TMX3: variants seen among roughly 807,000 people sequenced by gnomAD.
TMX3 encodes the protein thioredoxin related transmembrane protein 3.
In TMX3, 40 loss-of-function variants were observed where a neutral mutation model predicts 64.4. The observed-to-expected ratio is 0.62, with a 90% CI of 0.48 to 0.81. The LOEUF (loss-of-function observed/expected upper bound fraction) is 0.81, where lower values mean the gene tolerates loss of function less well. TMX3 is among the 30% of genes least tolerant of loss of function. TMX3 has a pLI of 0.00. For missense variants in TMX3, 497 were observed against 534.5 expected (o/e 0.93, Z 0.69); for synonymous variants, 189 against 175.7 (o/e 1.08, Z -0.60).
intron 8 of TMX3, among the ~76,000 whole-genome samples, chr18:68,694,056 C>A (rs1216613439): frequency 2.6e-5 from 4 of 152,164 alleles, no homozygotes; most frequent in Admixed American, 2.0e-4. Context: ...CTCCTCTCCA[C>A]CTTGCTCATC....
At chr18:68,695,414 C>T (rs1310534377) in intron 8 of TMX3, among the ~76,000 whole-genome samples, 1 of 152,178 alleles carries the variant, frequency 6.6e-6, no homozygotes, top group Non-Finnish European at 1.5e-5. Flanking sequence ...CTTGACTTAA[C>T]TCTAGACCCC....
chr18:68,709,040 T>C (rs992643820), intron 4 of TMX3, among the ~76,000 whole-genome samples: 1 of 152,148 alleles, frequency 6.6e-6, no homozygotes, highest in African/African-American at 2.4e-5. Context: ...TTCCACTTTC[T>C]TCACTAATGA....
At position 68,715,034 on chromosome 18, in the gene TMX3, C is replaced by T; in HGVS notation, c.-53G>A. On this transcript the variant is annotated 5_prime_UTR_variant, in exon 1 of 16. The change creates a new upstream start codon in the 5' untranslated region. Coordinates refer to ENST00000299608, the MANE Select transcript of TMX3 (RefSeq NM_019022.5). ...ACTGTGCAAAAGAGGGATAAAGACACTGGGGTCCGCCGCCTGCCCGCCCGG... is the reference window on the plus strand; with the variant it reads ...ACTGTGCAAAAGAGGGATAAAGACATTGGGGTCCGCCGCCTGCCCGCCCGG... 1.9e-6 allele frequency: 3 copies of T among 1,550,322 alleles called. No homozygotes were observed. Among genetic ancestry groups the T allele is most frequent in the Non-Finnish European group, 2.6e-6 (3 of 1,146,972 alleles).
intron 13 of TMX3, 125 bp from the exon 14 acceptor site, chr18:68,681,235 G>A (rs1913402675): frequency 2.3e-6 from 2 of 877,432 alleles, no homozygotes; most frequent in South Asian, 7.7e-5. Context: ...ATATTTTATG[G>A]TAGAAAATGA....
intron 11 of TMX3, 75 bp downstream of exon 11, chr18:68,684,353 C>A: frequency 2.0e-6 from 3 of 1,506,648 alleles, no homozygotes; most frequent in Admixed American, 1.7e-5. Flanking sequence ...AAGTAAGATA[C>A]CATATCAAGT....
rs189862936 is a variant in TMX3 at position 68,682,703 on chromosome 18, A to T, written c.905+222T>A. Among the ~76,000 whole-genome samples, 644 of 145,066 alleles carry T rather than the reference A, an allele frequency of 4.4e-3. 3 individuals carry two copies. The highest frequency in any genetic ancestry group is 0.014 in the Middle Eastern group (4 of 290). On this transcript the variant is annotated intron_variant, in intron 13 of 15. Coordinates refer to ENST00000299608, the MANE Select transcript of TMX3 (RefSeq NM_019022.5). Reference sequence around the variant, plus strand: ...GAATACTAGAAAACATTAAATCAGGAGATAATTTTTTTTTTTTTTTACTAT... The same window carrying T: ...GAATACTAGAAAACATTAAATCAGGTGATAATTTTTTTTTTTTTTTACTAT...
intron 15 of TMX3, 51 bp from the exon 16 acceptor site, chr18:68,677,244 A>G: frequency 6.5e-7 from 1 of 1,546,068 alleles, no homozygotes. Flanking sequence ...ATTCTGATAT[A>G]TATAGCATGA....
intron 7 of TMX3, chr18:68,697,661 A>G (rs1915225962): frequency 2.5e-6 from 1 of 400,432 alleles, no homozygotes; most frequent in South Asian, 5.9e-5. Flanking sequence ...AATTTGAAAA[A>G]GCAACACAAG....
intron 13 of TMX3, 148 bp downstream of exon 13, chr18:68,682,777 A>G (rs1409137625): frequency 2.2e-5 from 12 of 555,540 alleles, no homozygotes; most frequent in Admixed American, 1.1e-4. Flanking sequence ...TTGGAAAACT[A>G]AAGTAAAATA....
rs1912916046 is a variant in TMX3, at chr18:68,676,246, C to T, written c.*687G>A. ...TAGTATTCCAAGGAATGGGCTGAAA[C>T]CTCTACTCAGTAAATCCTGTTTATT... is the stretch of plus-strand genomic sequence containing the variant. On this transcript the variant is annotated 3_prime_UTR_variant, in exon 16 of 16. Coordinates refer to ENST00000299608, the MANE Select transcript of TMX3 (RefSeq NM_019022.5). 1 of 152,112 alleles carries T rather than the reference C, an allele frequency of 6.6e-6. No homozygotes were observed. The highest frequency in any genetic ancestry group is 2.4e-5 in the African/African-American group (1 of 41,394). 9.4% of individuals were successfully genotyped at this position (152,112 alleles called of 1,614,324 possible).
chr18:68,694,733 G>A (rs1914890052), intron 8 of TMX3, among the ~76,000 whole-genome samples: 1 of 152,166 alleles, frequency 6.6e-6, no homozygotes, highest in South Asian at 2.1e-4. Context: ...AAAATACTTG[G>A]CAAACCAAAA....
intron 4 of TMX3, among the ~76,000 whole-genome samples, chr18:68,705,496 T>C (rs530971261): frequency 2.0e-5 from 3 of 152,212 alleles, no homozygotes; most frequent in African/African-American, 7.2e-5. Flanking sequence ...CCAAATGTCA[T>C]TCCAAATTTA....
In TMX3 at chr18:68,700,486, CT is replaced by C. The variant is rs999284404; in HGVS notation, c.312-2del. The C allele has an allele frequency of 6.5e-5, 96 of 1,482,516 alleles. No homozygotes were observed. Among genetic ancestry groups the C allele is most frequent in the South Asian group, 1.9e-4 (14 of 72,998 alleles). The allele number at this position is 1,482,516 out of a possible 1,614,324, so 91.8% of individuals were successfully genotyped here. A position where few individuals can be genotyped will look rare whatever the true frequency, so the allele number is the denominator to read the frequency against. ...ATTATATGCCAAGTCCCCTTTTAAT[CT>C]TTAAAAAAAAAAAAAAATTAAAACC... On this transcript the variant is annotated splice_acceptor_variant, in intron 5 of 15. Transcript: ENST00000299608. LOFTEE classifies it high-confidence loss of function.
intron 8 of TMX3, among the ~76,000 whole-genome samples, chr18:68,693,406 C>A (rs952236116): frequency 1.6e-4 from 24 of 152,112 alleles, no homozygotes; most frequent in Non-Finnish European, 3.2e-4. Context: ...TCCCTGAGCT[C>A]TCCGGGGCCT....
chr18:68,682,306 T>C (rs537786291), intron 13 of TMX3, among the ~76,000 whole-genome samples: 3 of 152,330 alleles, frequency 2.0e-5, no homozygotes, highest in African/African-American at 7.2e-5. Flanking sequence ...GTACAGGGTT[T>C]GGTAAATGTT....
rs76728077 is a variant in TMX3, at chr18:68,676,809, T to C, written c.*124A>G. On this transcript the variant is annotated 3_prime_UTR_variant, in exon 16 of 16. Coordinates refer to ENST00000299608, the MANE Select transcript of TMX3 (RefSeq NM_019022.5). ...GGAGGGACTACTTTAATCCATGCAG[T>C]TGATATTAGCAAAATACGAATAACA... 2 of 1,241,716 alleles carry C rather than the reference T, an allele frequency of 1.6e-6. No individual in the cohort carries two copies. Among genetic ancestry groups the C allele is most frequent in the South Asian group, 1.6e-5 (1 of 63,846 alleles). 76.9% of individuals were successfully genotyped at this position (1,241,716 alleles called of 1,614,324 possible).
chr18:68,678,673 G>A (rs1913153035), intron 15 of TMX3, among the ~76,000 whole-genome samples: 1 of 152,188 alleles, frequency 6.6e-6, no homozygotes. Context: ...GAAATAATCA[G>A]GTGAGAGGTG....
At chr18:68,697,146 A>C in intron 8 of TMX3, 80 bp downstream of exon 8, 1 of 767,204 alleles carries the variant, frequency 1.3e-6, no homozygotes, top group Non-Finnish European at 2.1e-6. Context: ...TCAAGTAATA[A>C]AATCACAATT....
intron 10 of TMX3, chr18:68,687,334 T>C: frequency 2.0e-6 from 2 of 985,432 alleles, no homozygotes; most frequent in Non-Finnish European, 2.4e-6. Flanking sequence ...AAATAGGTTG[T>C]GCTAAGTTTT....
Sources: gnomAD v4.1 joint callset for allele counts (sites outside exome capture counted in the v4.1 genomes callset) on GRCh38, gnomAD v4.1.1 for gene constraint, MANE v1.5 for transcripts, NCBI Gene and HGNC (gene_info 2026-07-23, HGNC 2026-07-21) for gene names.